SGCZ: variants seen among roughly 807,000 people sequenced by gnomAD.
SGCZ encodes zeta-sarcoglycan.
SGCZ carries 40 observed loss-of-function variants against 41.3 expected under a neutral mutation model. The observed-to-expected ratio is 0.97, with a 90% CI of 0.75 to 1.26. SGCZ has a LOEUF of 1.26. Ranked by LOEUF, SGCZ falls within the 50% of genes most tolerant of loss-of-function variation. SGCZ has a pLI of 0.00. For missense variants in SGCZ, 552 were observed against 369.8 expected, an observed-to-expected ratio of 1.49 and a Z score of -4.04; for synonymous variants, 206 against 137.5, an observed-to-expected ratio of 1.50 and a Z score of -3.49.
intron 1 of SGCZ, among the ~76,000 whole-genome samples, chr8:14,829,196 C>A (rs1802440988): frequency 7.8e-6 from 1 of 128,492 alleles, no homozygotes; most frequent in Non-Finnish European, 1.6e-5. Context: ...CCTGCTTCCA[C>A]CCCAACACTC....
chr8:15,123,238 C>T (rs1443730811), intron 1 of SGCZ, among the ~76,000 whole-genome samples: 2 of 152,144 alleles, frequency 1.3e-5, no homozygotes, highest in Non-Finnish European at 2.9e-5. Flanking sequence ...AATAAAACAA[C>T]CAGTGCTACC....
chr8:14,188,461 A>G (rs1303582103), intron 4 of SGCZ, among the ~76,000 whole-genome samples: 1 of 152,194 alleles, frequency 6.6e-6, no homozygotes, highest in African/African-American at 2.4e-5. Context: ...ACTACATTTT[A>G]TATGGTTATA....
chr8:14,813,675 C>T (rs891589176), intron 1 of SGCZ, among the ~76,000 whole-genome samples: 16 of 152,024 alleles, frequency 1.1e-4, no homozygotes, highest in African/African-American at 3.1e-4. Flanking sequence ...AGCAAGGCCG[C>T]GAGCAGTGGC....
At chr8:15,133,245 T>A (rs546388520) in intron 1 of SGCZ, among the ~76,000 whole-genome samples, 1 of 152,322 alleles carries the variant, frequency 6.6e-6, no homozygotes, top group South Asian at 2.1e-4. Flanking sequence ...TTTCTGTCCA[T>A]ATTCTTTTGG....
chr8:14,599,905 C>A (rs1012136838), intron 1 of SGCZ, among the ~76,000 whole-genome samples: 8 of 152,206 alleles, frequency 5.3e-5, no homozygotes, highest in African/African-American at 1.9e-4. Context: ...TGCCTTATTT[C>A]TTCACATCAC....
chr8:14,782,049 G>A (rs1449178736), intron 1 of SGCZ, among the ~76,000 whole-genome samples: 1 of 152,096 alleles, frequency 6.6e-6, no homozygotes, highest in Non-Finnish European at 1.5e-5. Context: ...AAATTTGGGT[G>A]ACAAACTTGT....
chr8:15,191,884 A>G (rs911102376), intron 1 of SGCZ, among the ~76,000 whole-genome samples: 2 of 152,054 alleles, frequency 1.3e-5, no homozygotes, highest in Non-Finnish European at 2.9e-5. Context: ...TTAAACTTTT[A>G]TCTACCCACG....
chr8:14,222,603 A>C (rs1806236865), intron 4 of SGCZ, among the ~76,000 whole-genome samples: 1 of 152,102 alleles, frequency 6.6e-6, no homozygotes, highest in African/African-American at 2.4e-5. Flanking sequence ...AAGATCAGAA[A>C]ACTCTTCTAA....
intron 1 of SGCZ, among the ~76,000 whole-genome samples, chr8:15,073,329 T>C (rs992337795): frequency 6.6e-5 from 10 of 152,150 alleles, no homozygotes; most frequent in Non-Finnish European, 1.2e-4. Context: ...CCTAATTTTA[T>C]TTTCCGAGTT....
intron 4 of SGCZ, among the ~76,000 whole-genome samples, chr8:14,219,561 A>G (rs1480113425): frequency 6.6e-6 from 1 of 152,136 alleles, no homozygotes; most frequent in Non-Finnish European, 1.5e-5. Context: ...AGCCTGGCCA[A>G]CATGATGAAA....
At chr8:14,647,173 A>T (rs1807248984) in intron 1 of SGCZ, among the ~76,000 whole-genome samples, 1 of 152,042 alleles carries the variant, frequency 6.6e-6, no homozygotes, top group Non-Finnish European at 1.5e-5. Flanking sequence ...ATGTTTTAGT[A>T]CAGATACAAC....
intron 1 of SGCZ, among the ~76,000 whole-genome samples, chr8:14,565,799 A>T (rs1191030077): frequency 2.6e-5 from 4 of 152,172 alleles, no homozygotes; most frequent in African/African-American, 9.7e-5. Context: ...AAAAGATAAT[A>T]GAGGATGGCT....
At chr8:14,458,789 T>G (rs1800820603) in intron 2 of SGCZ, among the ~76,000 whole-genome samples, 1 of 152,076 alleles carries the variant, frequency 6.6e-6, no homozygotes, top group Admixed American at 6.5e-5. Context: ...CCAGAAGCAA[T>G]GAGGACACCA....
chr8:14,506,267 G>C (rs1353591046), intron 2 of SGCZ, among the ~76,000 whole-genome samples: 2 of 152,028 alleles, frequency 1.3e-5, no homozygotes, highest in Non-Finnish European at 2.9e-5. Context: ...GTGCAGCATG[G>C]AAAACTTGTG....
intron 2 of SGCZ, among the ~76,000 whole-genome samples, chr8:14,472,183 G>C (rs1490405082): frequency 6.6e-6 from 1 of 152,012 alleles, no homozygotes; most frequent in African/African-American, 2.4e-5. Context: ...TAGTTGGTTT[G>C]TGCAGCTTAA....
chr8:14,378,216 G>A (rs968374473), intron 2 of SGCZ, among the ~76,000 whole-genome samples: 8 of 150,840 alleles, frequency 5.3e-5, no homozygotes, highest in South Asian at 2.1e-4. Flanking sequence ...TTTAATGATC[G>A]CCATTCTAAC....
intron 5 of SGCZ, among the ~76,000 whole-genome samples, chr8:14,137,699 T>C (rs1326837798): frequency 6.6e-6 from 1 of 152,182 alleles, no homozygotes; most frequent in East Asian, 1.9e-4. Flanking sequence ...CAAATCTACG[T>C]CTGATTGGTG....
At position 14,984,634 on chromosome 8, in the gene SGCZ, G is replaced by A. The variant is rs189750446; in HGVS notation, c.39+252951C>T. On this transcript the variant is annotated intron_variant, in intron 1 of 7. Coordinates refer to ENST00000382080, the MANE Select transcript of SGCZ (RefSeq NM_139167.4). Reference sequence around the variant, plus strand: ...GTATATCCTGTAACTTTGGTCATTCGATCCAAATGCTTGGTTATATTCAGG... The same window carrying A: ...GTATATCCTGTAACTTTGGTCATTCAATCCAAATGCTTGGTTATATTCAGG... 3.3e-5 allele frequency among the ~76,000 whole-genome samples: 5 copies of A among 152,006 alleles called. No homozygotes were observed. The East Asian group carries it at 7.7e-4, about 23-fold the overall frequency.
At chr8:14,684,865 T>A (rs900337643) in intron 1 of SGCZ, among the ~76,000 whole-genome samples, 2 of 152,058 alleles carry the variant, frequency 1.3e-5, no homozygotes, top group African/African-American at 2.4e-5. Context: ...CTGAAACACA[T>A]GTGTGGAGGA....
Sources: allele counts gnomAD v4.1 joint callset (sites outside exome capture counted in the v4.1 genomes callset), GRCh38; gene constraint gnomAD v4.1.1; transcripts MANE v1.5; gene names NCBI Gene and HGNC (gene_info 2026-07-23, HGNC 2026-07-21).